Variants in PLXDC1 observed in about 807,000 individuals in gnomAD.
The protein encoded by PLXDC1 is plexin domain-containing protein 1.
PLXDC1 carries 39 observed loss-of-function variants against 61.3 expected under a neutral mutation model. The observed-to-expected ratio is 0.64, with a 90% CI of 0.49 to 0.83. The LOEUF (loss-of-function observed/expected upper bound fraction) is 0.83, where lower values mean the gene tolerates loss of function less well. Among genes scored for constraint, PLXDC1 ranks in the 40% least tolerant of loss-of-function variants. PLXDC1 has a pLI of 0.00. For synonymous variants in PLXDC1, 212 were observed against 254.5 expected (o/e 0.83, Z 1.59); for missense variants, 596 against 666.5 (o/e 0.89, Z 1.17).
chr17:39,106,592 G>T (rs1459932836), intron 6 of PLXDC1, among the ~76,000 whole-genome samples: 2 of 150,068 alleles, frequency 1.3e-5, no homozygotes, highest in African/African-American at 2.5e-5. Flanking sequence ...AAGCGCTGGG[G>T]TTATGAGCCA....
chr17:39,093,913 G>A lies in PLXDC1; in HGVS notation c.812-6211C>T, dbSNP rs1427195552. ...GAACCCTCCATGGAAAGCTGAGGTG[G>A]CGAGGGGTTCACAGAGCCCCGCACA... On this transcript the variant is annotated intron_variant, in intron 7 of 13. Coordinates refer to ENST00000315392, the MANE Select transcript of PLXDC1 (RefSeq NM_020405.5). Among the ~76,000 whole-genome samples the A allele has an allele frequency of 2.6e-5, 4 of 152,214 alleles. No homozygotes were observed. The East Asian group carries it at 7.7e-4, about 29-fold the overall frequency.
intron 2 of PLXDC1, among the ~76,000 whole-genome samples, chr17:39,130,389 G>T (rs1410812903): frequency 6.6e-6 from 1 of 152,010 alleles, no homozygotes; most frequent in African/African-American, 2.4e-5. Context: ...GGAGGTCGAG[G>T]CTGCAGTGAG....
intron 9 of PLXDC1, 83 bp downstream of exon 9, chr17:39,083,376 A>T: frequency 1.0e-6 from 1 of 995,370 alleles, no homozygotes; most frequent in Non-Finnish European, 1.6e-6. Flanking sequence ...GACTGTGGGC[A>T]GTGAGGCCAG....
Position 39,066,774 on chromosome 17 carries a change from C to T in PLXDC1, c.*1066G>A, listed in dbSNP as rs1908913626. On this transcript the variant is annotated 3_prime_UTR_variant, in exon 14 of 14. Transcript: ENST00000315392. ...TAATTTTTTGTATTTTTAGTAGAGA[C>T]ATTTTAATTATGTTGGCCAGGCTGG... 6.6e-6 allele frequency: 1 copy of T among 152,122 alleles called. No homozygotes were observed. The highest frequency in any genetic ancestry group is 1.5e-5 in the Non-Finnish European group (1 of 68,044). The allele number at this position is 152,122 out of a possible 1,614,324, so 9.4% of individuals were successfully genotyped here.
chr17:39,069,836 T>C lies in PLXDC1; in HGVS notation c.1383+20A>G, dbSNP rs1249636956. 1 of 1,606,242 alleles carries C rather than the reference T, an allele frequency of 6.2e-7. No homozygotes were observed. The highest frequency in any genetic ancestry group is 2.2e-5 in the East Asian group (1 of 44,778). On this transcript the variant is annotated intron_variant, in intron 13 of 13. Transcript: ENST00000315392. ...GACGCAGAAGCAGACAGGAGCCCTG[T>C]GGCCACAGATGACACGGACCTCGAT...
intron 2 of PLXDC1, among the ~76,000 whole-genome samples, chr17:39,122,459 G>A (rs569819623): frequency 7.8e-4 from 117 of 150,630 alleles, no homozygotes; most frequent in African/African-American, 2.7e-3. Context: ...GGTGGGAGCT[G>A]AAATAGCCAT....
chr17:39,139,722 G>C lies in PLXDC1; in HGVS notation c.187C>G (p.Leu63Val). 6.2e-7 allele frequency: 1 copy of C among 1,613,988 alleles called. No homozygotes were observed. Among genetic ancestry groups the C allele is most frequent in the East Asian group, 2.2e-5 (1 of 44,866 alleles). The change falls in exon 2 of 14, where the codon CTG (leucine) becomes GTG (valine). Residue 63 changes from leucine (L) to valine (V), a missense_variant. Physicochemically the swap from Leu to Val is conservative, Grantham distance 32. Coordinates refer to ENST00000315392, the MANE Select transcript of PLXDC1 (RefSeq NM_020405.5). Reference protein sequence around the residue: ...GHVSEPDRTQLSQDLGGGTLA... With the variant: ...GHVSEPDRTQVSQDLGGGTLA... Reference sequence around the variant, plus strand: ...GTGCCCCCACCCAGGTCCTGGCTCAGCTGGGTCCTGTCCGGCTCTGACACA... The same window carrying C: ...GTGCCCCCACCCAGGTCCTGGCTCACCTGGGTCCTGTCCGGCTCTGACACA...
chr17:39,134,409 T>C (rs1894781591), intron 2 of PLXDC1, among the ~76,000 whole-genome samples: 1 of 151,556 alleles, frequency 6.6e-6, no homozygotes, highest in Admixed American at 6.6e-5. Context: ...GTGGATTGCC[T>C]GAGCTCAGGA....
intron 1 of PLXDC1, among the ~76,000 whole-genome samples, chr17:39,149,940 T>C (rs16513): frequency 1.3e-5 from 2 of 152,244 alleles, no homozygotes; most frequent in African/African-American, 4.8e-5. Context: ...TTTTAAAGTA[T>C]CAGTTACCCA....
intron 2 of PLXDC1, among the ~76,000 whole-genome samples, chr17:39,129,323 A>AGAAAG (rs1233491509): frequency 2.7e-5 from 4 of 149,774 alleles, no homozygotes; most frequent in South Asian, 2.1e-4. Flanking sequence ...GTCTCAAAAA[A>AGAAAG]AAAAAAAAAA....
intron 13 of PLXDC1, among the ~76,000 whole-genome samples, 200 bp downstream of exon 13, chr17:39,069,656 G>T (rs547632984): frequency 6.6e-6 from 1 of 152,290 alleles, no homozygotes; most frequent in South Asian, 2.1e-4. Flanking sequence ...GGAGGGCCGA[G>T]GGAGTTCTGA....
intron 2 of PLXDC1, among the ~76,000 whole-genome samples, chr17:39,134,957 G>A (rs1001841354): frequency 6.6e-5 from 10 of 152,232 alleles, no homozygotes; most frequent in African/African-American, 2.2e-4. Context: ...CACTTTATGC[G>A]CCTGACTCAT....
chr17:39,082,350 T>C (rs1909592523), intron 9 of PLXDC1, among the ~76,000 whole-genome samples: 2 of 152,138 alleles, frequency 1.3e-5, no homozygotes, highest in Admixed American at 1.3e-4. Flanking sequence ...GTCAAGAGTT[T>C]GAGACAAGCC....
In PLXDC1 at chr17:39,096,633, G is replaced by A. The variant is rs77253904; in HGVS notation, c.812-8931C>T. Among the ~76,000 whole-genome samples the A allele has an allele frequency of 5.7e-3, 862 of 152,286 alleles. 54 individuals carry two copies. In the East Asian group the frequency reaches 0.13, roughly 24 times the overall value. Reference sequence around the variant, plus strand: ...CAGGAAAGTTCCGGTAAAGGAGGAGGACCAGCATGTTGGGGCCGTCCAAGG... The same window carrying A: ...CAGGAAAGTTCCGGTAAAGGAGGAGAACCAGCATGTTGGGGCCGTCCAAGG... On this transcript the variant is annotated intron_variant, in intron 7 of 13. Coordinates refer to ENST00000315392, the MANE Select transcript of PLXDC1 (RefSeq NM_020405.5).
At chr17:39,104,875 C>T (rs1223421173) in intron 7 of PLXDC1, among the ~76,000 whole-genome samples, 4 of 152,160 alleles carry the variant, frequency 2.6e-5, no homozygotes, top group Admixed American at 2.0e-4. Context: ...ACATAGTGGC[C>T]CAGTGTGTAA....
intron 2 of PLXDC1, among the ~76,000 whole-genome samples, chr17:39,133,686 A>G (rs547632044): frequency 7.1e-4 from 108 of 152,244 alleles, no homozygotes; most frequent in African/African-American, 2.6e-3. Flanking sequence ...TGGCGCGACC[A>G]TGGCTCACTG....
upstream of PLXDC1, chr17:39,152,628 G>T (rs1215790995): frequency 8.0e-7 from 1 of 1,246,694 alleles, no homozygotes; most frequent in Non-Finnish European, 1.0e-6. Flanking sequence ...AGTGGGCTGG[G>T]GCCTAGGGAC....
Position 39,063,451 on chromosome 17 carries a change from T to A in PLXDC1, c.*4389A>T, listed in dbSNP as rs1273754693. 5 of 702,754 alleles carry A rather than the reference T, an allele frequency of 7.1e-6. No individual in the cohort carries two copies. Among genetic ancestry groups the A allele is most frequent in the Non-Finnish European group, 1.3e-5 (5 of 384,980 alleles). The allele number at this position is 702,754 out of a possible 1,614,324, so 43.5% of individuals were successfully genotyped here. Reference sequence around the variant, plus strand: ...TTTCTCTTGGAGGTGGTGCAGGAGGTTGAGGAAAGCACCTCTGATGAGCAG... The same window carrying A: ...TTTCTCTTGGAGGTGGTGCAGGAGGATGAGGAAAGCACCTCTGATGAGCAG... On this transcript the variant is annotated 3_prime_UTR_variant, in exon 14 of 14. Coordinates refer to ENST00000315392, the MANE Select transcript of PLXDC1 (RefSeq NM_020405.5).
chr17:39,125,564 G>A (rs961966529), intron 2 of PLXDC1, among the ~76,000 whole-genome samples: 1 of 152,168 alleles, frequency 6.6e-6, no homozygotes, highest in East Asian at 1.9e-4. Flanking sequence ...GACAAGGACA[G>A]ACAAAAACAA....
Sources: gnomAD v4.1 joint callset for allele counts (sites outside exome capture counted in the v4.1 genomes callset) on GRCh38, gnomAD v4.1.1 for gene constraint, MANE v1.5 for transcripts, NCBI Gene and HGNC (gene_info 2026-07-23, HGNC 2026-07-21) for gene names.